MADCAM1: variants seen among roughly 807,000 people sequenced by gnomAD.
MADCAM1 encodes mucosal vascular addressin cell adhesion molecule 1.
MADCAM1 carries 19 observed loss-of-function variants against 26.1 expected under a neutral mutation model. The ratio of observed to expected loss-of-function variants is 0.73; its 90% confidence interval spans 0.51 to 1.07. The LOEUF (loss-of-function observed/expected upper bound fraction) is 1.07, where lower values mean the gene tolerates loss of function less well. Among genes scored for constraint, MADCAM1 ranks in the 50% least tolerant of loss-of-function variants. The pLI is 0.00. For missense variants in MADCAM1, 514 were observed against 542.1 expected, an observed-to-expected ratio of 0.95 and a Z score of 0.51; for synonymous variants, 268 against 260.9, an observed-to-expected ratio of 1.03 and a Z score of -0.26.
At chr19:503,473 C>G (rs1455158819) in intron 4 of MADCAM1, among the ~76,000 whole-genome samples, 1 of 139,982 alleles carries the variant, frequency 7.1e-6, no homozygotes, top group Non-Finnish European at 1.5e-5. Flanking sequence ...CCCAGCTACT[C>G]GGGAGGCTGA....
chr19:503,169 A>G (rs1828112903), intron 4 of MADCAM1, among the ~76,000 whole-genome samples: 1 of 152,196 alleles, frequency 6.6e-6, no homozygotes, highest in African/African-American at 2.4e-5. Flanking sequence ...TCTACTTCCT[A>G]CAGGTAATTT....
chr19:501,631 C>A, intron 3 of MADCAM1, 38 bp from the exon 4 acceptor site: 1 of 1,549,210 alleles, frequency 6.5e-7, no homozygotes, highest in South Asian at 1.2e-5. Context: ...AAGCCTGGGG[C>A]AGCAGAGAGG....
rs113941738 is a variant in MADCAM1, at chr19:499,277, T to C, written c.667+452T>C. The stretch of plus-strand genomic sequence containing the variant: ...GCCGGGAATACCCTTCTTCCGGATC[T>C]TTCCACGGCTCTCTCCTCCTCCCCC... On this transcript the variant is annotated intron_variant, in intron 3 of 4. Coordinates refer to ENST00000215637, the MANE Select transcript of MADCAM1 (RefSeq NM_130760.3). 649 of 460,680 alleles carry C rather than the reference T, an allele frequency of 1.4e-3. 2 individuals are homozygous for C. The highest frequency in any genetic ancestry group is 0.012 in the African/African-American group (589 of 50,388). 28.5% of individuals were successfully genotyped at this position (460,680 alleles called of 1,614,324 possible).
At chr19:499,165 G>A in intron 3 of MADCAM1, 1 of 543,092 alleles carries the variant, frequency 1.8e-6, no homozygotes, top group East Asian at 4.6e-5. Context: ...TTCTGCTGCA[G>A]CCACACGGGC....
intron 3 of MADCAM1, among the ~76,000 whole-genome samples, chr19:500,451 C>T (rs931605454): frequency 4.6e-5 from 7 of 152,214 alleles, no homozygotes; most frequent in African/African-American, 1.7e-4. Flanking sequence ...AAATTATAGG[C>T]TTTAGGCCGG....
At chr19:499,849 C>T (rs1345949654) in intron 3 of MADCAM1, 1 of 456,248 alleles carries the variant, frequency 2.2e-6, no homozygotes, top group African/African-American at 2.0e-5. Context: ...AAGCCCCTGC[C>T]GGCTTCTCCC....
chr19:504,935 G>A lies in MADCAM1; in HGVS notation c.1119G>A (p.Gly373=). The A allele has an allele frequency of 6.2e-7, 1 of 1,603,920 alleles. No homozygotes were observed. Residue 373 remains glycine, a synonymous_variant, in exon 5 of 5, where the codon GGG becomes GGA. Transcript: ENST00000215637. ...PQVSAWAGLR[G]TGQVGISPS ...TGTCGGCCTGGGCTGGGTTAAGGGG[G>A]ACCGGCCAGGTCGGGATCAGCCCCT...
At chr19:501,181 C>A (rs969842563) in intron 3 of MADCAM1, among the ~76,000 whole-genome samples, 2 of 150,948 alleles carry the variant, frequency 1.3e-5, no homozygotes, top group Admixed American at 6.6e-5. Flanking sequence ...AGAGTGAGAC[C>A]CCATCTCTAA....
At chr19:504,329 T>A (rs1978507537) in intron 4 of MADCAM1, among the ~76,000 whole-genome samples, 2 of 144,492 alleles carry the variant, frequency 1.4e-5, no homozygotes, top group African/African-American at 5.1e-5. Flanking sequence ...AGTGGTGCGA[T>A]CTCAGCTTAC....
Position 504,765 on chromosome 19 carries a change from C to G in MADCAM1, c.949C>G (p.Gln317Glu). 6.2e-7 allele frequency: 1 copy of G among 1,605,576 alleles called. No homozygotes were observed. Among genetic ancestry groups the G allele is most frequent in the Non-Finnish European group, 8.5e-7 (1 of 1,173,880 alleles). The change falls in exon 5 of 5, where the codon CAG (glutamine) becomes GAG (glutamate). Residue 317 changes from glutamine to glutamate, a missense_variant. Gln to Glu is a conservative substitution (Grantham distance 29, BLOSUM62 2). Around this residue, in one of 3 missense-constraint regions of MADCAM1, gnomAD observed 152 missense variants for 136.7 expected, o/e 1.11. Transcript: ENST00000215637. ...PTGSSKPAGD[Q>E]LPAALWTSSA... ...CCCAGCGTCCAAACCTGCGGGTGAC[C>G]AGCTGCCCGCGGCTCTGTGGACCAG...
intron 4 of MADCAM1, 130 bp from the exon 5 acceptor site, chr19:504,613 TAA>T: frequency 1.5e-6 from 1 of 674,852 alleles, no homozygotes; most frequent in South Asian, 1.9e-5. Flanking sequence ...AGGGTCATGG[TAA>T]AGTCCTTTGT....
Position 498,601 on chromosome 19 carries a change from C to T in MADCAM1, c.443C>T (p.Ser148Phe), listed in dbSNP as rs1978298086. ...ACGCCCGTGGACCCCAACGCGCTCT[C>T]CTTCTCCCTGCTCGTCGGGGGCCAG... is the stretch of plus-strand genomic sequence containing the variant. ...KVTPVDPNAL[S>F]FSLLVGGQEL... is the part of the protein sequence containing the mutation. The change falls in exon 3 of 5, where the codon TCC becomes TTC. Residue 148 changes from serine (S) to phenylalanine (F), a missense_variant. Transcript: ENST00000215637. 6.7e-7 allele frequency: 1 copy of T among 1,485,618 alleles called. No homozygotes were observed. Among genetic ancestry groups the T allele is most frequent in the Non-Finnish European group, 8.9e-7 (1 of 1,122,562 alleles). The allele number at this position is 1,485,618 out of a possible 1,614,324, so 92.0% of individuals were successfully genotyped here.
chr19:504,760 G>T lies in MADCAM1; in HGVS notation c.944G>T (p.Gly315Val). ...VIPTGSSKPAGDQLPAALWTS... is the reference protein window; with the variant it reads ...VIPTGSSKPAVDQLPAALWTS... ...CTCTCCCCAGCGTCCAAACCTGCGG[G>T]TGACCAGCTGCCCGCGGCTCTGTGG... Residue 315 changes from glycine (G) to valine (V), a missense_variant, in exon 5 of 5, where the codon GGT (glycine) becomes GTT (valine). Physicochemically the swap from Gly to Val is moderately radical, Grantham distance 109 (BLOSUM62 -3). Coordinates refer to ENST00000215637, the MANE Select transcript of MADCAM1 (RefSeq NM_130760.3). 6.2e-7 allele frequency: 1 copy of T among 1,605,278 alleles called. No homozygotes were observed. Among genetic ancestry groups the T allele is most frequent in the African/African-American group, 1.3e-5 (1 of 74,920 alleles).
At chr19:502,128 C>T (rs2145822876) in intron 4 of MADCAM1, among the ~76,000 whole-genome samples, 199 bp downstream of exon 4, 1 of 152,216 alleles carries the variant, frequency 6.6e-6, no homozygotes, top group East Asian at 1.9e-4. Flanking sequence ...CTCGGTTTCC[C>T]CATCTGCCCA....
chr19:498,843 C>T lies in MADCAM1; in HGVS notation c.667+18C>T, dbSNP rs1426004456. On this transcript the variant is annotated intron_variant, in intron 3 of 4. Coordinates refer to ENST00000215637, the MANE Select transcript of MADCAM1 (RefSeq NM_130760.3). Reference sequence around the variant, plus strand: ...CATCCCCGGTGAGTCCGCTGGGTGCCCTGGAGACCCACCCGCTCGCCAGCC... The same window carrying T: ...CATCCCCGGTGAGTCCGCTGGGTGCTCTGGAGACCCACCCGCTCGCCAGCC... 6.7e-7 allele frequency: 1 copy of T among 1,495,074 alleles called. No individual in the cohort carries two copies. Among genetic ancestry groups the T allele is most frequent in the Non-Finnish European group, 8.9e-7 (1 of 1,128,684 alleles). 92.6% of individuals were successfully genotyped at this position (1,495,074 alleles called of 1,614,324 possible). A position where few individuals can be genotyped will look rare whatever the true frequency, so the allele number is the denominator to read the frequency against.
At position 505,133 on chromosome 19, in the gene MADCAM1, A is replaced by G. The variant is rs1263903779; in HGVS notation, c.*168A>G. 5.4e-6 allele frequency: 3 copies of G among 552,764 alleles called. No homozygotes were observed. The highest frequency in any genetic ancestry group is 6.3e-6 in the Non-Finnish European group (2 of 319,646). 34.2% of individuals were successfully genotyped at this position (552,764 alleles called of 1,614,324 possible). A position where few individuals can be genotyped will look rare whatever the true frequency, so the allele number is the denominator to read the frequency against. On this transcript the variant is annotated 3_prime_UTR_variant, in exon 5 of 5. Transcript: ENST00000215637. ...GAGAAGCTCATCAGAAACTCAAAAG[A>G]AGGCCACTGTTTGTCTCACCTACCC...
intron 1 of MADCAM1, 80 bp from the exon 2 acceptor site, chr19:497,753 G>T: frequency 1.8e-6 from 2 of 1,129,630 alleles, no homozygotes; most frequent in South Asian, 7.3e-5. Flanking sequence ...CGGGGTCCGG[G>T]GGTGGAGCGG....
intron 4 of MADCAM1, among the ~76,000 whole-genome samples, chr19:504,451 C>G (rs1041701690): frequency 7.9e-5 from 12 of 151,962 alleles, no homozygotes; most frequent in African/African-American, 2.9e-4. Flanking sequence ...TTAGTAGGCA[C>G]AGGGTTTCAC....
chr19:502,604 C>T (rs1171883503), intron 4 of MADCAM1, among the ~76,000 whole-genome samples: 1 of 152,000 alleles, frequency 6.6e-6, no homozygotes, highest in East Asian at 1.9e-4. Context: ...ACCCGGCCCA[C>T]ATAGGTAATG....
Sources: allele counts gnomAD v4.1 joint callset (sites outside exome capture counted in the v4.1 genomes callset), GRCh38; gene constraint gnomAD v4.1.1; regional missense constraint gnomAD v4.1.1; transcripts MANE v1.5; gene names NCBI Gene and HGNC (gene_info 2026-07-23, HGNC 2026-07-21).